TEX11: variants seen among roughly 807,000 people sequenced by gnomAD.
The protein encoded by TEX11 is testis expressed 11.
TEX11 carries 7 observed loss-of-function variants against 84.4 expected under a neutral mutation model. The ratio of observed to expected loss-of-function variants is 0.08; its 90% CI spans 0.05 to 0.16. The LOEUF (loss-of-function observed/expected upper bound fraction) is 0.16, where lower values mean the gene tolerates loss of function less well. TEX11 is among the 10% of genes least tolerant of loss of function. The pLI is 1.00. For missense variants in TEX11, 551 were observed against 660.5 expected (o/e 0.83, Z 1.82); for synonymous variants, 264 against 222.8 (o/e 1.18, Z -1.64).
rs779593386 is a variant in TEX11, at chrX:70,674,132, A to G, written c.1243-3618T>C. On this transcript the variant is annotated intron_variant, in intron 15 of 29. Transcript: ENST00000374333. ...AGTTCTTATCATTTAACTCCCACTT[A>G]TAAGTGAAAACATGCATTATTTGGC... Among the ~76,000 whole-genome samples the G allele has an allele frequency of 2.5e-4, 28 of 112,181 alleles. No homozygotes were observed. In the East Asian group the frequency reaches 7.8e-3, roughly 31 times the overall value.
chrX:70,885,664 G>A (rs1369654324), intron 2 of TEX11, among the ~76,000 whole-genome samples: 1 of 111,038 alleles, frequency 9.0e-6, no homozygotes, highest in Non-Finnish European at 1.9e-5. Flanking sequence ...GGCCGAGGCA[G>A]GTGGATCACT....
chrX:70,809,946 A>T (rs1400108229), intron 8 of TEX11, among the ~76,000 whole-genome samples: 1 of 112,250 alleles, frequency 8.9e-6, no homozygotes, highest in African/African-American at 3.2e-5. Context: ...CACACTGATA[A>T]AAAAGAATTA....
intron 17 of TEX11, among the ~76,000 whole-genome samples, chrX:70,637,920 C>G (rs1308471795): frequency 1.9e-5 from 2 of 104,050 alleles, no homozygotes; most frequent in Non-Finnish European, 3.9e-5. Flanking sequence ...CCTGAACTTA[C>G]AAGCTGGAAA....
chrX:70,565,593 A>G (rs1251786330), intron 25 of TEX11, among the ~76,000 whole-genome samples: 1 of 111,121 alleles, frequency 9.0e-6, no homozygotes, highest in African/African-American at 3.3e-5. Context: ...AGGGGTAAGG[A>G]AGGGATCCAG....
At chrX:70,881,326 CAAA>C (rs773436735) in intron 2 of TEX11, among the ~76,000 whole-genome samples, 1 of 61,948 alleles carries the variant, frequency 1.6e-5, no homozygotes. Context: ...GACTGTGTCT[CAAA>C]AAAAAAAAAA....
chrX:70,591,564 C>G (rs2088929901), intron 25 of TEX11, among the ~76,000 whole-genome samples, 187 bp downstream of exon 25: 1 of 110,902 alleles, frequency 9.0e-6, no homozygotes, highest in Non-Finnish European at 1.9e-5. Context: ...GATCACATCA[C>G]CGCGCTCCAG....
intron 9 of TEX11, among the ~76,000 whole-genome samples, chrX:70,754,087 C>G (rs1364282703): frequency 9.0e-6 from 1 of 111,578 alleles, no homozygotes; most frequent in Non-Finnish European, 1.9e-5. Context: ...GGGACTGTGT[C>G]TTGCATCTTA....
At chrX:70,827,814 T>C (rs2091355449) in intron 8 of TEX11, among the ~76,000 whole-genome samples, 1 of 111,925 alleles carries the variant, frequency 8.9e-6, no homozygotes, top group Non-Finnish European at 1.9e-5. Context: ...GAACTCACCA[T>C]CCTAAAGGGA....
intron 2 of TEX11, among the ~76,000 whole-genome samples, chrX:70,884,535 T>G (rs1325829234): frequency 8.9e-6 from 1 of 111,859 alleles, no homozygotes; most frequent in East Asian, 2.8e-4. Flanking sequence ...CAAAAGGGTC[T>G]GGCAAAATCA....
intron 7 of TEX11, chrX:70,846,372 T>C (rs2091479230): frequency 8.9e-6 from 1 of 112,309 alleles, no homozygotes; most frequent in Non-Finnish European, 1.9e-5. Flanking sequence ...CTAGTGCCAC[T>C]ATCCTGATTC....
intron 9 of TEX11, among the ~76,000 whole-genome samples, chrX:70,756,391 G>A (rs1173457707): frequency 9.0e-6 from 1 of 111,552 alleles, no homozygotes; most frequent in Non-Finnish European, 1.9e-5. Flanking sequence ...ATACAGGTGG[G>A]TGCCCCTCTG....
chrX:70,528,423 T>C (rs1372941500), downstream of TEX11, among the ~76,000 whole-genome samples: 1 of 110,908 alleles, frequency 9.0e-6, no homozygotes, highest in East Asian at 2.8e-4. Context: ...GTTCAAACGA[T>C]TCTCCTGCCT....
chrX:70,649,180 G>A (rs752912244), intron 17 of TEX11, among the ~76,000 whole-genome samples: 6 of 112,165 alleles, frequency 5.3e-5, no homozygotes, highest in Admixed American at 2.8e-4. Flanking sequence ...ATGAACACAC[G>A]TGTGCATGTA....
intron 7 of TEX11, among the ~76,000 whole-genome samples, chrX:70,841,651 A>G (rs2091444838): frequency 8.9e-6 from 1 of 111,783 alleles, no homozygotes; most frequent in South Asian, 3.7e-4. Flanking sequence ...TGAAGGAAAT[A>G]GAGACACAAA....
At chrX:70,717,722 T>A (rs932673668) in intron 13 of TEX11, among the ~76,000 whole-genome samples, 1 of 111,948 alleles carries the variant, frequency 8.9e-6, no homozygotes, top group South Asian at 3.7e-4. Context: ...TGCTATAAAA[T>A]TACTAAAAGC....
intron 18 of TEX11, among the ~76,000 whole-genome samples, chrX:70,625,168 C>T (rs758822647): frequency 4.5e-5 from 5 of 111,293 alleles, no homozygotes; most frequent in Non-Finnish European, 9.4e-5. Flanking sequence ...GCCAATACTA[C>T]CCTTAGTCCA....
At chrX:70,766,766 G>T in intron 9 of TEX11, among the ~76,000 whole-genome samples, 1 of 111,450 alleles carries the variant, frequency 9.0e-6, no homozygotes, top group East Asian at 2.8e-4. Flanking sequence ...CATGGTACTG[G>T]CATGAAAACA....
At chrX:70,679,512 G>T (rs1264324941) in intron 14 of TEX11, among the ~76,000 whole-genome samples, 2 of 109,439 alleles carry the variant, frequency 1.8e-5, no homozygotes, top group East Asian at 5.9e-4. Flanking sequence ...CTTCCCGGCC[G>T]CCATCCCATC....
chrX:70,903,796 G>T (rs890688081), intron 2 of TEX11, among the ~76,000 whole-genome samples: 1 of 108,558 alleles, frequency 9.2e-6, no homozygotes, highest in Non-Finnish European at 1.9e-5. Context: ...GCCCCAGTGG[G>T]TGTAATTATC....
Sources: gnomAD v4.1 joint callset for allele counts (sites outside exome capture counted in the v4.1 genomes callset) on GRCh38, gnomAD v4.1.1 for gene constraint, MANE v1.5 for transcripts, NCBI Gene and HGNC (gene_info 2026-07-23, HGNC 2026-07-21) for gene names.